The following CTNNA3 variants were observed in gnomAD, a reference collection of about 807,000 sequenced individuals.
CTNNA3 encodes catenin alpha-3.
In CTNNA3, 76 loss-of-function variants were observed where a neutral mutation model predicts 95.7. The ratio of observed to expected loss-of-function variants is 0.79; its 90% CI spans 0.66 to 0.96. The LOEUF is 0.96. Among genes scored for constraint, CTNNA3 ranks in the 40% least tolerant of loss-of-function variants. The pLI is 0.00. For missense variants in CTNNA3, 1,191 were observed against 1,089.8 expected (o/e 1.09, Z -1.31); for synonymous variants, 431 against 374.4 (o/e 1.15, Z -1.74).
chr10:66,477,557 A>G (rs1589304527), intron 11 of CTNNA3, among the ~76,000 whole-genome samples: 1 of 152,096 alleles, frequency 6.6e-6, no homozygotes, highest in South Asian at 2.1e-4. Context: ...TCATGGCAGG[A>G]GAGTACAGAA....
At chr10:67,718,068 TC>T (rs1841155131) in intron 1 of CTNNA3, among the ~76,000 whole-genome samples, 1 of 152,194 alleles carries the variant, frequency 6.6e-6, no homozygotes, top group Admixed American at 6.5e-5. Flanking sequence ...GATATTTCAT[TC>T]AATTTGTAGC....
At chr10:66,615,588 A>G (rs1844482163) in intron 10 of CTNNA3, among the ~76,000 whole-genome samples, 1 of 152,034 alleles carries the variant, frequency 6.6e-6, no homozygotes, top group African/African-American at 2.4e-5. Flanking sequence ...AAAAATGTAA[A>G]AAACTATTAT....
chr10:66,430,219 G>C (rs1286682015), intron 11 of CTNNA3, among the ~76,000 whole-genome samples: 2 of 151,560 alleles, frequency 1.3e-5, no homozygotes, highest in African/African-American at 4.9e-5. Flanking sequence ...CCTCTTCAAG[G>C]AGAACTACAA....
chr10:67,702,919 C>T (rs370695174), intron 1 of CTNNA3, among the ~76,000 whole-genome samples: 20 of 151,800 alleles, frequency 1.3e-4, no homozygotes, highest in East Asian at 1.9e-4. Context: ...ATCAAATAGA[C>T]GCAATAAAAA....
chr10:67,106,135 G>C (rs551499730), intron 7 of CTNNA3, among the ~76,000 whole-genome samples: 1 of 152,180 alleles, frequency 6.6e-6, no homozygotes, highest in Admixed American at 6.6e-5. Context: ...TTTGGATCCA[G>C]TTATGGGATA....
At chr10:66,068,120 C>T (rs914021790) in intron 15 of CTNNA3, among the ~76,000 whole-genome samples, 1 of 152,130 alleles carries the variant, frequency 6.6e-6, no homozygotes, top group Middle Eastern at 3.4e-3. Flanking sequence ...AAAGTTTTGG[C>T]AAATTTGATA....
At chr10:66,028,669 A>C (rs987132564) in intron 15 of CTNNA3, among the ~76,000 whole-genome samples, 6 of 152,104 alleles carry the variant, frequency 3.9e-5, no homozygotes, top group Non-Finnish European at 8.8e-5. Flanking sequence ...GGGTGCAGCA[A>C]ACCAACATGG....
intron 16 of CTNNA3, among the ~76,000 whole-genome samples, chr10:65,982,607 C>T (rs2078342745): frequency 1.3e-5 from 2 of 149,212 alleles, no homozygotes; most frequent in Admixed American, 6.7e-5. Flanking sequence ...GCCCAAATGC[C>T]CATCAATCAA....
chr10:66,673,237 C>T (rs1331509409), intron 9 of CTNNA3, among the ~76,000 whole-genome samples: 1 of 152,006 alleles, frequency 6.6e-6, no homozygotes, highest in Non-Finnish European at 1.5e-5. Context: ...GATTGCATAC[C>T]ACCTTTGTTT....
intron 12 of CTNNA3, among the ~76,000 whole-genome samples, chr10:66,304,670 A>C (rs2091907755): frequency 6.6e-6 from 1 of 152,200 alleles, no homozygotes; most frequent in African/African-American, 2.4e-5. Flanking sequence ...CAATACAACA[A>C]TATAATACTC....
At chr10:66,079,848 A>T (rs1407574523) in intron 14 of CTNNA3, among the ~76,000 whole-genome samples, 2 of 152,074 alleles carry the variant, frequency 1.3e-5, no homozygotes, top group Admixed American at 1.3e-4. Flanking sequence ...TATTATTAAC[A>T]ACTGAATATA....
At chr10:67,199,197 A>G (rs1234424632) in intron 6 of CTNNA3, among the ~76,000 whole-genome samples, 1 of 152,200 alleles carries the variant, frequency 6.6e-6, no homozygotes, top group Non-Finnish European at 1.5e-5. Context: ...TGTCATTCAC[A>G]CTGCAAGTAA....
chr10:66,171,406 C>T (rs1040761317), intron 13 of CTNNA3, among the ~76,000 whole-genome samples: 5 of 151,072 alleles, frequency 3.3e-5, no homozygotes, highest in African/African-American at 9.7e-5. Flanking sequence ...AATAGCCAGG[C>T]ATGGTGGTGG....
chr10:66,769,556 T>G (rs1840003628), intron 8 of CTNNA3, among the ~76,000 whole-genome samples: 1 of 152,196 alleles, frequency 6.6e-6, no homozygotes, highest in Admixed American at 6.5e-5. Context: ...AACAGTTCCA[T>G]GTCCTCTGAA....
chr10:66,541,319 A>C (rs1258490708), intron 10 of CTNNA3, among the ~76,000 whole-genome samples: 2 of 152,106 alleles, frequency 1.3e-5, no homozygotes, highest in Non-Finnish European at 2.9e-5. Flanking sequence ...TCAATTTGGC[A>C]TCTCCCTGGT....
intron 1 of CTNNA3, among the ~76,000 whole-genome samples, chr10:67,692,736 T>TAAAAAAAAAAA (rs200961420): frequency 1.6e-4 from 13 of 80,822 alleles, no homozygotes; most frequent in African/African-American, 4.2e-4. Flanking sequence ...GAATGATCAA[T>TAAAAAAAAAAA]AAAAAAAAAA....
chr10:67,532,272 C>A (rs992092810), intron 4 of CTNNA3, among the ~76,000 whole-genome samples: 2 of 152,130 alleles, frequency 1.3e-5, no homozygotes, highest in Non-Finnish European at 2.9e-5. Flanking sequence ...TTCCCTTTAT[C>A]AGCTGCTGAT....
chr10:66,641,635 G>A (rs1845519724), intron 9 of CTNNA3, among the ~76,000 whole-genome samples: 1 of 152,082 alleles, frequency 6.6e-6, no homozygotes, highest in Non-Finnish European at 1.5e-5. Context: ...TATTTAATAT[G>A]TGCTTACTGC....
At chr10:66,414,046 T>C (rs967951231) in intron 11 of CTNNA3, among the ~76,000 whole-genome samples, 24 of 152,212 alleles carry the variant, frequency 1.6e-4, no homozygotes, top group Non-Finnish European at 2.5e-4. Flanking sequence ...AGAGAAGAAT[T>C]AGTAATTATT....
Sources: allele counts gnomAD v4.1 joint callset (sites outside exome capture counted in the v4.1 genomes callset), GRCh38; gene constraint gnomAD v4.1.1; transcripts MANE v1.5; gene names NCBI Gene and HGNC (gene_info 2026-07-23, HGNC 2026-07-21).